Variants in PUDP observed in about 807,000 individuals in gnomAD.
PUDP encodes pseudouridine-5'-phosphatase.
PUDP carries 8 observed loss-of-function variants against 9.4 expected under a neutral mutation model. The observed-to-expected ratio is 0.85, with a 90% CI of 0.50 to 1.53. The LOEUF (loss-of-function observed/expected upper bound fraction) is 1.53. Among genes scored for constraint, PUDP ranks in the 40% most tolerant of loss-of-function variants. PUDP has a pLI of 0.00. For synonymous variants in PUDP, 99 were observed against 80.7 expected (o/e 1.23, Z -1.22); for missense variants, 188 against 189.7 (o/e 0.99, Z 0.05).
At chrX:6,830,907 A>G (rs1926494069) in intron 3 of PUDP, among the ~76,000 whole-genome samples, 1 of 112,320 alleles carries the variant, frequency 8.9e-6, no homozygotes, top group Admixed American at 9.4e-5. Context: ...GGGCAATTGC[A>G]ATAGAGCAAG....
intron 3 of PUDP, among the ~76,000 whole-genome samples, chrX:6,890,099 C>T (rs182065754): frequency 8.9e-6 from 1 of 111,759 alleles, no homozygotes; most frequent in Admixed American, 9.5e-5. Flanking sequence ...ATATGGCATG[C>T]ATGTCAGAGG....
At chrX:7,011,246 C>G (rs917602175) in intron 1 of PUDP, among the ~76,000 whole-genome samples, 18 of 111,951 alleles carry the variant, frequency 1.6e-4, no homozygotes, top group African/African-American at 5.5e-4. Flanking sequence ...TCGTTACTTC[C>G]CTCCAGTTTT....
At chrX:7,071,774 TC>T (rs1200911284) in intron 3 of PUDP, among the ~76,000 whole-genome samples, 1 of 66,483 alleles carries the variant, frequency 1.5e-5, no homozygotes, top group Non-Finnish European at 3.0e-5. Flanking sequence ...GAATGTACTC[TC>T]TATTTTTTTT....
intron 1 of PUDP, among the ~76,000 whole-genome samples, chrX:7,106,512 T>C (rs1218429476): frequency 8.9e-6 from 1 of 112,544 alleles, no homozygotes; most frequent in Non-Finnish European, 1.9e-5. Context: ...GTACCACTAA[T>C]ATACGCTAGA....
At chrX:7,031,642 T>G (rs772743363) in intron 1 of PUDP, among the ~76,000 whole-genome samples, 14 of 112,448 alleles carry the variant, frequency 1.2e-4, no homozygotes, top group Admixed American at 5.7e-4. Flanking sequence ...AAACTGCCAC[T>G]TACGCAGTCC....
intron 3 of PUDP, among the ~76,000 whole-genome samples, chrX:6,892,016 T>C (rs1371568200): frequency 8.9e-6 from 1 of 112,141 alleles, no homozygotes; most frequent in Non-Finnish European, 1.9e-5. Flanking sequence ...GCACAGTTGC[T>C]GATTGAACTT....
intron 3 of PUDP, among the ~76,000 whole-genome samples, chrX:6,915,829 G>T (rs73627099): frequency 9.4e-4 from 104 of 111,155 alleles, no homozygotes; most frequent in African/African-American, 3.3e-3. Flanking sequence ...GACTGCCCTA[G>T]GTGTTATAAT....
rs972959255 is a variant in PUDP at position 7,058,013 on chromosome X, C to T, written c.511-7541G>A. Among the ~76,000 whole-genome samples, 3 of 111,010 alleles carry T rather than the reference C, an allele frequency of 2.7e-5. No individual in the cohort carries two copies. The Admixed American group carries it at 2.9e-4, about 11-fold the overall frequency. On this transcript the variant is annotated intron_variant, in intron 3 of 3. Coordinates refer to ENST00000381077, the MANE Select transcript of PUDP (RefSeq NM_012080.5). ...CAAATCCTGTCCCCGTGGCACTTGC[C>T]CACCATTTCTTCTCAGCAGCTGGGA...
intron 3 of PUDP, among the ~76,000 whole-genome samples, chrX:6,968,688 C>T (rs1450602410): frequency 1.8e-5 from 2 of 109,693 alleles, no homozygotes; most frequent in Non-Finnish European, 3.8e-5. Flanking sequence ...GGCACAGTCT[C>T]GGCTCACTGC....
chrX:6,986,463 T>C (rs1227316170), intron 1 of PUDP, among the ~76,000 whole-genome samples: 1 of 111,632 alleles, frequency 9.0e-6, no homozygotes, highest in Non-Finnish European at 1.9e-5. Context: ...TTCCCAGTTA[T>C]GCTTTCATTA....
chrX:7,059,771 T>C (rs149742799), intron 3 of PUDP, among the ~76,000 whole-genome samples: 341 of 112,114 alleles, frequency 3.0e-3, no homozygotes, highest in African/African-American at 0.011. Context: ...AGCACAGCGA[T>C]GTTTGCCTGC....
intron 3 of PUDP, among the ~76,000 whole-genome samples, chrX:6,735,236 C>A (rs1319614042): frequency 1.8e-5 from 2 of 111,518 alleles, no homozygotes; most frequent in African/African-American, 6.5e-5. Flanking sequence ...AGATTGCATT[C>A]TGTTAAAGAG....
At chrX:6,801,466 A>G (rs1166883841) in intron 3 of PUDP, among the ~76,000 whole-genome samples, 1 of 112,277 alleles carries the variant, frequency 8.9e-6, no homozygotes, top group Non-Finnish European at 1.9e-5. Context: ...AAAAATGGAG[A>G]AGGTGAGGGG....
chrX:6,858,702 G>T (rs1359973646), intron 3 of PUDP, among the ~76,000 whole-genome samples: 1 of 111,750 alleles, frequency 8.9e-6, no homozygotes, highest in African/African-American at 3.3e-5. Flanking sequence ...TACAGAACTT[G>T]AGGGATTCAC....
chrX:6,917,027 C>T (rs1927946742), intron 3 of PUDP, among the ~76,000 whole-genome samples: 1 of 111,986 alleles, frequency 8.9e-6, no homozygotes. Context: ...GGAAATGTGA[C>T]ATTTCATTGT....
chrX:6,731,701 G>A (rs1163897339), intron 3 of PUDP, among the ~76,000 whole-genome samples: 1 of 92,845 alleles, frequency 1.1e-5, no homozygotes, highest in Non-Finnish European at 2.0e-5. Context: ...AGCTGGAAAC[G>A]AAGTCAATGT....
intron 1 of PUDP, among the ~76,000 whole-genome samples, chrX:7,030,573 C>T (rs1458563882): frequency 9.0e-6 from 1 of 111,092 alleles, no homozygotes; most frequent in Non-Finnish European, 1.9e-5. Flanking sequence ...ACACACATCC[C>T]AGAACATGCT....
intron 3 of PUDP, among the ~76,000 whole-genome samples, chrX:7,071,266 A>AT (rs767982801): frequency 9.0e-6 from 1 of 111,012 alleles, no homozygotes; most frequent in South Asian, 3.9e-4. Context: ...GACATTACTT[A>AT]TTTTTTTCTA....
intron 3 of PUDP, among the ~76,000 whole-genome samples, chrX:7,063,704 T>C (rs1930470797): frequency 8.9e-6 from 1 of 111,783 alleles, no homozygotes; most frequent in African/African-American, 3.3e-5. Flanking sequence ...GGTGCAGTGG[T>C]GCAATCACAG....
Sources: gnomAD v4.1 joint callset for allele counts (sites outside exome capture counted in the v4.1 genomes callset) on GRCh38, gnomAD v4.1.1 for gene constraint, MANE v1.5 for transcripts, NCBI Gene and HGNC (gene_info 2026-07-23, HGNC 2026-07-21) for gene names.